Variants in DNAH12 observed in about 807,000 individuals in gnomAD.
DNAH12 encodes dynein axonemal heavy chain 12.
In DNAH12, 285 loss-of-function variants were observed where a neutral mutation model predicts 371.5. The ratio of observed to expected loss-of-function variants is 0.77; its 90% CI spans 0.70 to 0.85. The LOEUF (loss-of-function observed/expected upper bound fraction) is 0.85, where lower values mean the gene tolerates loss of function less well. DNAH12 is among the 40% of genes least tolerant of loss of function. DNAH12 has a pLI of 0.00. For synonymous variants in DNAH12, 1,200 were observed against 1,213.0 expected (o/e 0.99, Z 0.22); for missense variants, 3,611 against 3,689.4 (o/e 0.98, Z 0.55).
intron 13 of DNAH12, among the ~76,000 whole-genome samples, chr3:57,476,737 A>T (rs2066540373): frequency 6.6e-6 from 1 of 152,200 alleles, no homozygotes; most frequent in South Asian, 2.1e-4. Flanking sequence ...TAATTTTGGT[A>T]TATGTGTTGT....
At chr3:57,410,707 T>G (rs987124541) in intron 39 of DNAH12, among the ~76,000 whole-genome samples, 7 of 151,968 alleles carry the variant, frequency 4.6e-5, no homozygotes, top group African/African-American at 1.7e-4. Context: ...TCCCAGCTAC[T>G]TGGGAGGCTA....
chr3:57,504,079 A>G lies in DNAH12; in HGVS notation c.1023T>C (p.Pro341=), dbSNP rs762484747. 1.2e-6 allele frequency: 2 copies of G among 1,613,958 alleles called. No homozygotes were observed. The highest frequency in any genetic ancestry group is 1.7e-6 in the Non-Finnish European group (2 of 1,179,970). Reference sequence around the variant, plus strand: ...CATTATCTTCCAAATCTTGAAAGGTAGGATAAAATTCCATTTTGTCGTCAT... The same window carrying G: ...CATTATCTTCCAAATCTTGAAAGGTGGGATAAAATTCCATTTTGTCGTCAT... The part of the protein sequence containing the change: ...TFDDDKMEFY[P]TFQDLEDNVL... Residue 341 remains proline, a synonymous_variant, in exon 9 of 74, where the codon CCT becomes CCC. Coordinates refer to ENST00000495027, the MANE Select transcript of DNAH12 (RefSeq NM_001366028.2).
At chr3:57,388,051 T>C (rs1250411612) in intron 45 of DNAH12, among the ~76,000 whole-genome samples, 1 of 152,188 alleles carries the variant, frequency 6.6e-6, no homozygotes, top group Non-Finnish European at 1.5e-5. Flanking sequence ...TAAATTTTCT[T>C]CCCTACAAAT....
At chr3:57,434,573 G>A (rs1398470869) in intron 30 of DNAH12, among the ~76,000 whole-genome samples, 2 of 152,084 alleles carry the variant, frequency 1.3e-5, no homozygotes, top group Non-Finnish European at 2.9e-5. Context: ...CTAGAAGAGG[G>A]GGGGATATTC....
chr3:57,357,953 A>G (rs2062838080), intron 58 of DNAH12, among the ~76,000 whole-genome samples: 1 of 152,216 alleles, frequency 6.6e-6, no homozygotes, highest in African/African-American at 2.4e-5. Context: ...GTAGATATTC[A>G]ACCCCCAAAG....
intron 65 of DNAH12, among the ~76,000 whole-genome samples, chr3:57,319,898 AT>A (rs1446399871): frequency 2.6e-5 from 4 of 152,080 alleles, no homozygotes; most frequent in Non-Finnish European, 5.9e-5. Context: ...AGTTTATATT[AT>A]AAAAAAGTGT....
At chr3:57,499,220 G>A (rs1378936779) in intron 11 of DNAH12, among the ~76,000 whole-genome samples, 1 of 152,082 alleles carries the variant, frequency 6.6e-6, no homozygotes, top group Non-Finnish European at 1.5e-5. Flanking sequence ...GAGTTGGGGA[G>A]AATTGACCAG....
At chr3:57,468,091 A>G (rs986309818) in intron 17 of DNAH12, among the ~76,000 whole-genome samples, 1 of 152,188 alleles carries the variant, frequency 6.6e-6, no homozygotes, top group Non-Finnish European at 1.5e-5. Flanking sequence ...AAGGCTTTTG[A>G]GTCCAGAGCT....
intron 20 of DNAH12, among the ~76,000 whole-genome samples, chr3:57,458,628 TA>T (rs2065968490): frequency 6.6e-6 from 1 of 152,186 alleles, no homozygotes; most frequent in South Asian, 2.1e-4. Context: ...AGTTTTTGTA[TA>T]AGTTGTAAGC....
chr3:57,415,083 T>A (rs1523110), intron 38 of DNAH12, among the ~76,000 whole-genome samples: 84,698 of 151,872 alleles, frequency 0.56, 24,942 homozygotes, highest in African/African-American at 0.76. Flanking sequence ...CAAAGTTCTC[T>A]CATTTCTCCC....
At chr3:57,325,135 G>C (rs907719116) in intron 62 of DNAH12, among the ~76,000 whole-genome samples, 2 of 152,222 alleles carry the variant, frequency 1.3e-5, no homozygotes, top group Non-Finnish European at 2.9e-5. Context: ...CTCCACCTCT[G>C]GGGGCAGGGC....
chr3:57,294,070 A>C, intron 73 of DNAH12, 99 bp from the exon 74 acceptor site: 3 of 1,004,734 alleles, frequency 3.0e-6, no homozygotes, highest in Non-Finnish European at 2.7e-6. Context: ...CCAGAACTAA[A>C]TCTAAGATCA....
At chr3:57,551,554 G>A in the DNAH12 span, among the ~76,000 whole-genome samples, 1 of 152,114 alleles carries the variant, frequency 6.6e-6, no homozygotes, top group East Asian at 1.9e-4. Flanking sequence ...ACAGGCATTA[G>A]CCACCGCGCC....
chr3:57,496,427 T>G (rs1355891487), intron 11 of DNAH12, among the ~76,000 whole-genome samples: 1 of 152,030 alleles, frequency 6.6e-6, no homozygotes, highest in Non-Finnish European at 1.5e-5. Context: ...ATCCATATGA[T>G]CAATTAAATA....
At position 57,309,236 on chromosome 3, in the gene DNAH12, T is replaced by C. The variant is rs2061536866; in HGVS notation, c.11104A>G (p.Ile3702Val). Residue 3702 changes from isoleucine to valine, a missense_variant, in exon 69 of 74, where the codon ATT becomes GTT. Ile to Val is a conservative substitution (Grantham distance 29). Transcript: ENST00000495027. ...ILNKLPSDFD[I>V]EMALRKYPVR... ...GGATACTTCCGTAGTGCCATTTCAA[T>C]GTCGAAATCACTAGGGAGCTAAAAG... is the stretch of plus-strand genomic sequence containing the variant. The C allele has an allele frequency of 6.5e-7, 1 of 1,549,716 alleles. No homozygotes were observed. Among genetic ancestry groups the C allele is most frequent in the Non-Finnish European group, 8.7e-7 (1 of 1,146,534 alleles).
At chr3:57,512,167 A>G (rs1195788347) in intron 4 of DNAH12, among the ~76,000 whole-genome samples, 2 of 152,216 alleles carry the variant, frequency 1.3e-5, no homozygotes, top group African/African-American at 4.8e-5. Flanking sequence ...CATCTCAGAC[A>G]AAGTGTAAAG....
At chr3:57,325,145 CACAG>C (rs1198470439) in intron 62 of DNAH12, among the ~76,000 whole-genome samples, 4 of 152,222 alleles carry the variant, frequency 2.6e-5, no homozygotes, top group African/African-American at 4.8e-5. Context: ...GGGGGCAGGG[CACAG>C]ACAAACAAAA....
intron 2 of DNAH12, among the ~76,000 whole-genome samples, chr3:57,535,253 G>A (rs571127371): frequency 1.3e-5 from 2 of 152,250 alleles, no homozygotes; most frequent in South Asian, 4.1e-4. Context: ...TTCACGTGTT[G>A]GAAACTTAAT....
At chr3:57,472,698 T>C (rs932596633) in intron 13 of DNAH12, 27 bp from the exon 14 acceptor site, 2 of 1,536,008 alleles carry the variant, frequency 1.3e-6, no homozygotes, top group Non-Finnish European at 1.8e-6. Context: ...GGATATAATA[T>C]GTCATATAGA....
Sources: gnomAD v4.1 joint callset for allele counts (sites outside exome capture counted in the v4.1 genomes callset) on GRCh38, gnomAD v4.1.1 for gene constraint, MANE v1.5 for transcripts, NCBI Gene and HGNC (gene_info 2026-07-23, HGNC 2026-07-21) for gene names.